Variants in POLA1 observed in about 807,000 individuals in gnomAD.
The protein encoded by POLA1 is DNA polymerase alpha 1, catalytic subunit, also known as DNA polymerase alpha catalytic subunit.
A neutral mutation model predicts 124.0 loss-of-function variants in POLA1; 15 were observed. That is an observed-to-expected ratio of 0.12 (90% CI 0.08 to 0.19). POLA1 has a LOEUF of 0.19. POLA1 is among the 10% of genes least tolerant of loss of function. The pLI, the probability that POLA1 is intolerant of heterozygous loss-of-function variation, is 1.00. For synonymous variants in POLA1, 408 were observed against 389.4 expected (o/e 1.05, Z -0.56); for missense variants, 886 against 1,103.4 (o/e 0.80, Z 2.79).
chrX:24,718,036 G>T (rs1299424477), intron 10 of POLA1, among the ~76,000 whole-genome samples: 2 of 111,754 alleles, frequency 1.8e-5, no homozygotes, highest in African/African-American at 6.5e-5. Context: ...AATCCTTAAA[G>T]ATGCTTATTC....
At chrX:24,828,400 AGGTTGT>A (rs1370499046) in intron 32 of POLA1, among the ~76,000 whole-genome samples, 1 of 111,788 alleles carries the variant, frequency 8.9e-6, no homozygotes, top group Non-Finnish European at 1.9e-5. Context: ...GTGATTCCAA[AGGTTGT>A]GATCTTAACT....
intron 26 of POLA1, among the ~76,000 whole-genome samples, chrX:24,775,929 G>A (rs1429379880): frequency 2.7e-5 from 3 of 112,029 alleles, no homozygotes; most frequent in African/African-American, 9.7e-5. Context: ...GTCCCACTGA[G>A]CCTGAATCAG....
At chrX:24,863,373 T>G (rs1192057320) in intron 34 of POLA1, among the ~76,000 whole-genome samples, 1 of 111,051 alleles carries the variant, frequency 9.0e-6, no homozygotes, top group African/African-American at 3.3e-5. Context: ...CTATTTACCA[T>G]AGTAAGTCAA....
At chrX:24,934,783 T>A (rs1379641064) in intron 36 of POLA1, among the ~76,000 whole-genome samples, 2 of 111,961 alleles carry the variant, frequency 1.8e-5, no homozygotes, top group African/African-American at 6.5e-5. Flanking sequence ...AATGCAGTGG[T>A]GCGATCTTGG....
intron 19 of POLA1, among the ~76,000 whole-genome samples, chrX:24,738,605 G>A (rs1434487460): frequency 8.9e-6 from 1 of 111,857 alleles, no homozygotes; most frequent in Non-Finnish European, 1.9e-5. Context: ...GATCATGTAA[G>A]TAGTAAGGGG....
intron 34 of POLA1, among the ~76,000 whole-genome samples, chrX:24,857,629 C>A (rs2046663427): frequency 9.0e-6 from 1 of 111,134 alleles, no homozygotes; most frequent in Admixed American, 9.6e-5. Context: ...GATTTATATA[C>A]CTAAGGAGTA....
chrX:24,925,896 A>G (rs1276629566), intron 35 of POLA1, among the ~76,000 whole-genome samples: 1 of 111,331 alleles, frequency 9.0e-6, no homozygotes, highest in Non-Finnish European at 1.9e-5. Context: ...ACTCACAACA[A>G]TGAGAAGAAA....
intron 36 of POLA1, among the ~76,000 whole-genome samples, chrX:24,967,233 T>G (rs1356370108): frequency 9.0e-6 from 1 of 110,518 alleles, no homozygotes; most frequent in Non-Finnish European, 1.9e-5. Flanking sequence ...TTTTTTTTTT[T>G]TTAGGTACAA....
chrX:24,876,729 C>T (rs1223571508), intron 34 of POLA1, among the ~76,000 whole-genome samples: 15 of 110,152 alleles, frequency 1.4e-4, no homozygotes, highest in African/African-American at 5.0e-4. Flanking sequence ...GGTGGAGAGA[C>T]GAAGTCAGGG....
At chrX:24,938,136 G>C (rs937368523) in intron 36 of POLA1, among the ~76,000 whole-genome samples, 2 of 112,448 alleles carry the variant, frequency 1.8e-5, no homozygotes, top group Admixed American at 9.4e-5. Context: ...AACTAAGGCC[G>C]GGCACAGTGG....
At chrX:24,785,868 C>G (rs1445166400) in intron 26 of POLA1, among the ~76,000 whole-genome samples, 1 of 111,729 alleles carries the variant, frequency 9.0e-6, no homozygotes, top group Non-Finnish European at 1.9e-5. Flanking sequence ...ATTTCTTCCA[C>G]TCCCCAGACC....
At chrX:24,694,373 A>G (rs1709850249) in intron 1 of POLA1, among the ~76,000 whole-genome samples, 1 of 112,917 alleles carries the variant, frequency 8.9e-6, no homozygotes. Context: ...TGAAGGCTTG[A>G]ACAGAACAGA....
intron 36 of POLA1, among the ~76,000 whole-genome samples, chrX:24,954,090 C>T (rs1453297147): frequency 8.9e-6 from 1 of 112,064 alleles, no homozygotes; most frequent in East Asian, 2.8e-4. Context: ...GAGAACCTTC[C>T]ACATTAGTTC....
intron 36 of POLA1, among the ~76,000 whole-genome samples, chrX:24,983,974 G>T (rs1488950304): frequency 1.8e-5 from 2 of 111,973 alleles, no homozygotes; most frequent in Non-Finnish European, 3.8e-5. Flanking sequence ...GGACCTAGAG[G>T]CTGCTTAACA....
intron 36 of POLA1, among the ~76,000 whole-genome samples, chrX:24,938,076 T>G (rs1351049731): frequency 8.9e-6 from 1 of 112,397 alleles, no homozygotes; most frequent in Non-Finnish European, 1.9e-5. Context: ...TAAATTAGGA[T>G]TTTCAAAATA....
At chrX:24,943,345 C>T (rs1324474337) in intron 36 of POLA1, among the ~76,000 whole-genome samples, 3 of 111,766 alleles carry the variant, frequency 2.7e-5, no homozygotes, top group African/African-American at 6.5e-5. Context: ...AGCATTATGA[C>T]GAAAAAAATG....
chrX:24,973,260 C>T (rs4898301), intron 36 of POLA1, among the ~76,000 whole-genome samples: 6 of 111,195 alleles, frequency 5.4e-5, no homozygotes, highest in Admixed American at 2.9e-4. Flanking sequence ...ACTTGGGAGG[C>T]TGAGGCAGGA....
At chrX:24,902,150 TAAC>T (rs1361869517) in intron 35 of POLA1, among the ~76,000 whole-genome samples, 1 of 112,028 alleles carries the variant, frequency 8.9e-6, no homozygotes, top group African/African-American at 3.2e-5. Context: ...GGGAAGTAAT[TAAC>T]AACTGCTGTA....
chrX:24,811,642 GTT>G (rs10582961), intron 28 of POLA1, among the ~76,000 whole-genome samples: 42,832 of 94,627 alleles, frequency 0.45, 7,990 homozygotes, highest in East Asian at 0.66. Context: ...AAATTCAAAG[GTT>G]TTTTTTTTTT....
Sources: gnomAD v4.1 joint callset for allele counts (sites outside exome capture counted in the v4.1 genomes callset) on GRCh38, gnomAD v4.1.1 for gene constraint, MANE v1.5 for transcripts, NCBI Gene and HGNC (gene_info 2026-07-23, HGNC 2026-07-21) for gene names.